Variants in ATRNL1 observed in about 807,000 individuals in gnomAD.
ATRNL1 encodes the protein attractin-like protein 1.
Under a neutral mutation model 182.7 loss-of-function variants are expected in ATRNL1, and 95 were observed. That is an observed-to-expected ratio of 0.52 (90% CI 0.44 to 0.62). The LOEUF (loss-of-function observed/expected upper bound fraction) is 0.62. ATRNL1 is among the 20% of genes least tolerant of loss of function. ATRNL1 has a pLI of 0.00. For missense variants in ATRNL1, 1,471 were observed against 1,679.5 expected (o/e 0.88, Z 2.17); for synonymous variants, 576 against 568.3 (o/e 1.01, Z -0.19).
intron 10 of ATRNL1, among the ~76,000 whole-genome samples, chr10:115,251,725 C>T (rs1486632139): frequency 6.6e-6 from 1 of 152,162 alleles, no homozygotes; most frequent in African/African-American, 2.4e-5. Flanking sequence ...GACTTTTAAT[C>T]ACTGCCTTTA....
At chr10:115,486,367 G>A (rs1554975152) in intron 24 of ATRNL1, among the ~76,000 whole-genome samples, 1 of 152,112 alleles carries the variant, frequency 6.6e-6, no homozygotes, top group East Asian at 1.9e-4. Context: ...CATCAACAGT[G>A]TAAAAAGTGT....
chr10:115,220,314 G>A (rs999127397), intron 9 of ATRNL1: 4 of 152,098 alleles, frequency 2.6e-5, no homozygotes, highest in South Asian at 4.1e-4. Context: ...TAATTGCTTC[G>A]GCTCTTCGTG....
At chr10:115,560,024 A>G (rs1250234705) in intron 26 of ATRNL1, among the ~76,000 whole-genome samples, 1 of 152,212 alleles carries the variant, frequency 6.6e-6, no homozygotes, top group African/African-American at 2.4e-5. Flanking sequence ...GAACTAATAC[A>G]CAATTTTAGC....
chr10:115,536,569 G>A (rs964813685), intron 25 of ATRNL1, among the ~76,000 whole-genome samples: 1 of 152,192 alleles, frequency 6.6e-6, no homozygotes, highest in African/African-American at 2.4e-5. Context: ...CTTCCCAAGT[G>A]AGGCAATGCC....
At chr10:115,238,626 G>GGTTGTTGTT (rs540163057) in intron 9 of ATRNL1, among the ~76,000 whole-genome samples, 26 of 151,796 alleles carry the variant, frequency 1.7e-4, no homozygotes, top group African/African-American at 6.0e-4. Context: ...GGGTTTTTTT[G>GGTTGTTGTT]GTTGTTGTTG....
At chr10:115,238,013 G>T (rs1436685147) in intron 9 of ATRNL1, among the ~76,000 whole-genome samples, 3 of 151,982 alleles carry the variant, frequency 2.0e-5, no homozygotes, top group Non-Finnish European at 2.9e-5. Flanking sequence ...TTGTTGAATC[G>T]TTTTTTCTAT....
At chr10:115,628,173 A>G (rs1378791711) in intron 26 of ATRNL1, among the ~76,000 whole-genome samples, 1 of 151,980 alleles carries the variant, frequency 6.6e-6, no homozygotes, top group Non-Finnish European at 1.5e-5. Flanking sequence ...AAGAAAAAAA[A>G]AGAAATGAAC....
At chr10:115,554,584 A>T (rs1554996553) in intron 26 of ATRNL1, among the ~76,000 whole-genome samples, 1 of 151,584 alleles carries the variant, frequency 6.6e-6, no homozygotes, top group Non-Finnish European at 1.5e-5. Context: ...ATTATTGGGG[A>T]ATTTGTAGTT....
intron 27 of ATRNL1, among the ~76,000 whole-genome samples, chr10:115,805,189 CTA>C (rs1167391198): frequency 6.6e-6 from 1 of 152,126 alleles, no homozygotes; most frequent in Non-Finnish European, 1.5e-5. Context: ...ATCTGTAATC[CTA>C]TTAGTCCATT....
chr10:115,693,094 T>C (rs1262495936), intron 26 of ATRNL1, among the ~76,000 whole-genome samples: 2 of 152,166 alleles, frequency 1.3e-5, no homozygotes, highest in South Asian at 2.1e-4. Flanking sequence ...TATGTTTATA[T>C]GTTTATATGT....
chr10:115,324,812 G>C (rs1424232612), intron 18 of ATRNL1, among the ~76,000 whole-genome samples: 5 of 152,096 alleles, frequency 3.3e-5, no homozygotes, highest in Non-Finnish European at 5.9e-5. Flanking sequence ...CTCTTGGTCT[G>C]CTGGATTTTG....
At chr10:115,597,735 A>G in intron 26 of ATRNL1, 1 of 442,632 alleles carries the variant, frequency 2.3e-6, no homozygotes, top group Non-Finnish European at 4.5e-6. Flanking sequence ...TTTAGTAGAG[A>G]TGGGGTTTCA....
At chr10:115,797,548 C>G (rs1486863931) in intron 27 of ATRNL1, among the ~76,000 whole-genome samples, 1 of 152,042 alleles carries the variant, frequency 6.6e-6, no homozygotes, top group East Asian at 1.9e-4. Context: ...ATGAACAAAA[C>G]AGACAAAAAG....
At chr10:115,759,726 A>C (rs1593178955) in intron 27 of ATRNL1, among the ~76,000 whole-genome samples, 2 of 149,506 alleles carry the variant, frequency 1.3e-5, no homozygotes, top group East Asian at 4.0e-4. Flanking sequence ...CCCCGGCTGG[A>C]GTGCAGTGGC....
chr10:115,268,262 G>A (rs1851690463), intron 12 of ATRNL1, 64 bp from the exon 13 acceptor site: 4 of 915,052 alleles, frequency 4.4e-6, no homozygotes, highest in Admixed American at 1.8e-5. Context: ...AATAGATATT[G>A]TAAATTAAGA....
intron 26 of ATRNL1, among the ~76,000 whole-genome samples, chr10:115,681,509 C>A (rs1946045449): frequency 6.6e-6 from 1 of 152,102 alleles, no homozygotes; most frequent in African/African-American, 2.4e-5. Context: ...CAAACCCAAG[C>A]AGTCTGACTC....
chr10:115,881,697 C>G (rs1325017641), intron 28 of ATRNL1, among the ~76,000 whole-genome samples: 3 of 152,202 alleles, frequency 2.0e-5, no homozygotes, highest in Non-Finnish European at 4.4e-5. Flanking sequence ...AGGCTATCTT[C>G]TTCTTCCATT....
intron 10 of ATRNL1, among the ~76,000 whole-genome samples, chr10:115,242,062 A>G (rs1435376955): frequency 6.6e-6 from 1 of 152,026 alleles, no homozygotes; most frequent in Non-Finnish European, 1.5e-5. Flanking sequence ...GATATGGAAT[A>G]CTGTTGAATT....
At chr10:115,698,653 CT>C (rs1946637226) in intron 26 of ATRNL1, among the ~76,000 whole-genome samples, 1 of 152,036 alleles carries the variant, frequency 6.6e-6, no homozygotes. Context: ...TGTCGTGGGC[CT>C]GTAGTCCCAG....
Sources: gnomAD v4.1 joint callset for allele counts (sites outside exome capture counted in the v4.1 genomes callset) on GRCh38, gnomAD v4.1.1 for gene constraint, MANE v1.5 for transcripts, NCBI Gene and HGNC (gene_info 2026-07-23, HGNC 2026-07-21) for gene names.